Variants in OSBPL6 observed in about 807,000 individuals in gnomAD.
OSBPL6 encodes the protein oxysterol-binding protein-related protein 6.
A neutral mutation model predicts 125.8 loss-of-function variants in OSBPL6; 49 were observed. The ratio of observed to expected loss-of-function variants is 0.39; its 90% CI spans 0.31 to 0.49. The LOEUF (loss-of-function observed/expected upper bound fraction) is 0.49, where lower values mean the gene tolerates loss of function less well. Ranked by LOEUF, OSBPL6 falls within the 20% of genes least tolerant of loss-of-function variation. The pLI, the probability that OSBPL6 is intolerant of heterozygous loss-of-function variation, is 0.88. For missense variants in OSBPL6, 986 were observed against 1,135.4 expected (o/e 0.87, Z 1.89); for synonymous variants, 394 against 391.8 (o/e 1.01, Z -0.07).
chr2:178,381,212 A>G (rs1575025903), intron 15 of OSBPL6, among the ~76,000 whole-genome samples: 1 of 152,120 alleles, frequency 6.6e-6, no homozygotes, highest in South Asian at 2.1e-4. Context: ...CTCTGTTTCT[A>G]AGTCCCTTTA....
At chr2:178,357,882 C>T (rs1176011361) in intron 12 of OSBPL6, among the ~76,000 whole-genome samples, 1 of 152,174 alleles carries the variant, frequency 6.6e-6, no homozygotes, top group East Asian at 1.9e-4. Flanking sequence ...GGCACATATA[C>T]ACCATGGAAT....
chr2:178,377,440 A>G (rs1464570130), intron 15 of OSBPL6, among the ~76,000 whole-genome samples: 2 of 152,172 alleles, frequency 1.3e-5, no homozygotes, highest in Non-Finnish European at 2.9e-5. Flanking sequence ...CACCTCCAAC[A>G]CTGGGGATTA....
chr2:178,236,730 G>A (rs1426543282), intron 1 of OSBPL6, among the ~76,000 whole-genome samples: 1 of 152,204 alleles, frequency 6.6e-6, no homozygotes, highest in African/African-American at 2.4e-5. Context: ...GCCAGAATTT[G>A]TCTACAGTCA....
intron 1 of OSBPL6, among the ~76,000 whole-genome samples, chr2:178,195,435 G>A (rs958269709): frequency 5.9e-5 from 9 of 152,250 alleles, no homozygotes; most frequent in African/African-American, 2.2e-4. Flanking sequence ...TGGGGGAGGA[G>A]GGAATGGGAG....
chr2:178,362,353 A>G (rs537629566), intron 13 of OSBPL6, among the ~76,000 whole-genome samples: 2 of 152,274 alleles, frequency 1.3e-5, no homozygotes, highest in South Asian at 2.1e-4. Flanking sequence ...ATTTCAATAT[A>G]TATTATAGAG....
In OSBPL6 at chr2:178,310,412, C is replaced by CTTTT. The variant is rs71023440; in HGVS notation, c.102+4146_102+4149dup. Among the ~76,000 whole-genome samples, 301 of 85,676 alleles carry CTTTT rather than the reference C, an allele frequency of 3.5e-3. 1 individual carries two copies. Among genetic ancestry groups the CTTTT allele is most frequent in the African/African-American group, 6.0e-3 (125 of 20,966 alleles). The allele number at this position is 85,676 out of a possible 152,430, so 56.2% of individuals were successfully genotyped here. On this transcript the variant is annotated intron_variant, in intron 3 of 24. Transcript: ENST00000190611. ...AGTTTAACATGCCCAAAACTGAACT[C>CTTTT]TTTTTTTTTTTTTTTTTTTTTTTGA...
chr2:178,291,319 G>A (rs1383310852), intron 2 of OSBPL6, among the ~76,000 whole-genome samples: 2 of 152,150 alleles, frequency 1.3e-5, no homozygotes, highest in African/African-American at 4.8e-5. Context: ...TTCCAGGAGT[G>A]ACAGTGGGAT....
In OSBPL6 at chr2:178,398,160, G is replaced by T. The variant is rs953124691; in HGVS notation, c.*2601G>T. On this transcript the variant is annotated 3_prime_UTR_variant, in exon 25 of 25. Transcript: ENST00000190611. ...TTACTCTATTGGAATTTTCATCTAC[G>T]TAGTATTTGGGCTGTCAAGACTAAA... The T allele has an allele frequency of 6.6e-6, 1 of 152,220 alleles. No homozygotes were observed. Among genetic ancestry groups the T allele is most frequent in the South Asian group, 2.1e-4 (1 of 4,820 alleles). 9.4% of individuals were successfully genotyped at this position (152,220 alleles called of 1,614,324 possible). A position where few individuals can be genotyped will look rare whatever the true frequency, so the allele number is the denominator to read the frequency against.
intron 9 of OSBPL6, among the ~76,000 whole-genome samples, chr2:178,338,533 G>T (rs973569092): frequency 1.3e-5 from 2 of 152,160 alleles, no homozygotes; most frequent in Non-Finnish European, 2.9e-5. Context: ...CTAAATTACA[G>T]AAAATATGTT....
intron 13 of OSBPL6, among the ~76,000 whole-genome samples, 195 bp from the exon 14 acceptor site, chr2:178,371,931 A>T (rs1693429434): frequency 6.6e-6 from 1 of 152,138 alleles, no homozygotes; most frequent in African/African-American, 2.4e-5. Flanking sequence ...TAGCAATCTT[A>T]TTTTATAAAA....
chr2:178,357,369 G>A (rs1054223760), intron 12 of OSBPL6, among the ~76,000 whole-genome samples: 11 of 152,100 alleles, frequency 7.2e-5, no homozygotes, highest in African/African-American at 2.2e-4. Flanking sequence ...CAGAATCTAC[G>A]AAGAACTCAA....
At chr2:178,221,507 G>A (rs1365286812) in intron 1 of OSBPL6, among the ~76,000 whole-genome samples, 6 of 152,234 alleles carry the variant, frequency 3.9e-5, no homozygotes, top group African/African-American at 1.4e-4. Flanking sequence ...TGTATGTTAA[G>A]TTCTAAGATA....
intron 1 of OSBPL6, among the ~76,000 whole-genome samples, chr2:178,224,333 G>A (rs1311224301): frequency 6.6e-6 from 1 of 152,070 alleles, no homozygotes; most frequent in Non-Finnish European, 1.5e-5. Flanking sequence ...CAAGAATGCA[G>A]ATTGAAAAGT....
intron 6 of OSBPL6, among the ~76,000 whole-genome samples, chr2:178,332,143 T>A (rs1689250514): frequency 6.6e-6 from 1 of 152,138 alleles, no homozygotes; most frequent in African/African-American, 2.4e-5. Flanking sequence ...GGTTTCAGTT[T>A]TGTCCCCATC....
In OSBPL6 at chr2:178,392,494, A is replaced by C; in HGVS notation, c.2529A>C (p.Lys843Asn). The change falls in exon 23 of 25, where the codon AAA becomes AAC. Residue 843 changes from lysine to asparagine, a missense_variant. Physicochemically the swap from Lys to Asn is moderately conservative, Grantham distance 94 (BLOSUM62 0). Coordinates refer to ENST00000190611, the MANE Select transcript of OSBPL6 (RefSeq NM_032523.4). ...IELNELDPVL[K>N]DLLPPTDARF... ...TCAATGAGTTAGATCCAGTACTAAA[A>C]GATCTCCTTCCACCAACAGACGCCC... 6.2e-7 allele frequency: 1 copy of C among 1,614,170 alleles called. No individual in the cohort carries two copies. The highest frequency in any genetic ancestry group is 8.5e-7 in the Non-Finnish European group (1 of 1,180,010).
upstream of OSBPL6, among the ~76,000 whole-genome samples, chr2:178,194,233 G>C (rs1032951128): frequency 6.6e-6 from 1 of 152,184 alleles, no homozygotes; most frequent in African/African-American, 2.4e-5. Context: ...TTCCCACGGA[G>C]GCCGGGCCAG....
intron 1 of OSBPL6, among the ~76,000 whole-genome samples, chr2:178,229,458 G>A (rs576894488): frequency 6.6e-6 from 1 of 152,308 alleles, no homozygotes; most frequent in Non-Finnish European, 1.5e-5. Flanking sequence ...TAGATCATTA[G>A]TTATCAAGGC....
chr2:178,328,473 ATGTGT>A lies in OSBPL6; in HGVS notation c.318+96_318+100del, dbSNP rs1688894887. On this transcript the variant is annotated intron_variant, in intron 5 of 24. Coordinates refer to ENST00000190611, the MANE Select transcript of OSBPL6 (RefSeq NM_032523.4). ...GGTGGGAAACTAAGAATATGGCAGT[ATGTGT>A]AAAACTAGCTTTTTAAAACTTTTTT... 11 of 1,492,218 alleles carry A rather than the reference ATGTGT, an allele frequency of 7.4e-6. No homozygotes were observed. The Admixed American group carries it at 1.9e-4, about 26-fold the overall frequency. The allele number at this position is 1,492,218 out of a possible 1,614,324, so 92.4% of individuals were successfully genotyped here. A position where few individuals can be genotyped will look rare whatever the true frequency, so the allele number is the denominator to read the frequency against.
At position 178,401,236 on chromosome 2, in the gene OSBPL6, G is replaced by A. The variant is rs1332635301; in HGVS notation, c.*5677G>A. On this transcript the variant is annotated 3_prime_UTR_variant, in exon 25 of 25. Transcript: ENST00000190611. ...AATGATATTTTGATGATGATGATCA[G>A]GGAAGTAGCCTATGCTGATTTATTT... 5 of 152,188 alleles carry A rather than the reference G, an allele frequency of 3.3e-5. No individual in the cohort carries two copies. In the East Asian group the frequency reaches 5.8e-4, roughly 18 times the overall value. The allele number at this position is 152,188 out of a possible 1,614,324, so 9.4% of individuals were successfully genotyped here. A position where few individuals can be genotyped will look rare whatever the true frequency, so the allele number is the denominator to read the frequency against.
Sources: allele counts gnomAD v4.1 joint callset (sites outside exome capture counted in the v4.1 genomes callset), GRCh38; gene constraint gnomAD v4.1.1; transcripts MANE v1.5; gene names NCBI Gene and HGNC (gene_info 2026-07-23, HGNC 2026-07-21).